ANKRD26: variants seen among roughly 807,000 people sequenced by gnomAD.
ANKRD26 encodes ankyrin repeat domain 26.
ANKRD26 carries 141 observed loss-of-function variants against 208.7 expected under a neutral mutation model. The ratio of observed to expected loss-of-function variants is 0.68; its 90% confidence interval spans 0.59 to 0.78. ANKRD26 has a LOEUF of 0.78. ANKRD26 is among the 30% of genes least tolerant of loss of function. The probability of loss-of-function intolerance (pLI) is 0.00; values close to 1 mark genes in which losing one functional copy is unlikely to be tolerated. For synonymous variants in ANKRD26, 636 were observed against 660.4 expected (o/e 0.96, Z 0.57); for missense variants, 1,889 against 1,938.7 (o/e 0.97, Z 0.48).
At chr10:27,030,572 C>CTA in intron 25 of ANKRD26, 1 of 985,284 alleles carries the variant, frequency 1.0e-6, no homozygotes, top group Non-Finnish European at 1.2e-6. Flanking sequence ...GGTGGGAAAG[C>CTA]GGTATGAATC....
intron 15 of ANKRD26, 83 bp from the exon 16 acceptor site, chr10:27,053,473 ATATTT>A: frequency 4.3e-6 from 4 of 926,494 alleles, no homozygotes; most frequent in Non-Finnish European, 4.9e-6. Flanking sequence ...ATAGAAAATA[ATATTT>A]ATTTTATTTT....
At chr10:27,053,606 A>AT (rs2054739720) in intron 15 of ANKRD26, among the ~76,000 whole-genome samples, 1 of 152,170 alleles carries the variant, frequency 6.6e-6, no homozygotes, top group African/African-American at 2.4e-5. Context: ...TTAGTGGAAT[A>AT]TTTACTTCTC....
At chr10:27,067,089 G>A (rs192094803) in intron 10 of ANKRD26, 68 bp downstream of exon 10, 2 of 1,565,798 alleles carry the variant, frequency 1.3e-6, no homozygotes, top group East Asian at 2.3e-5. Context: ...TCACAGGTGT[G>A]AGCCACATCT....
At chr10:27,078,881 A>C (rs1237441914) in intron 7 of ANKRD26, among the ~76,000 whole-genome samples, 2 of 150,466 alleles carry the variant, frequency 1.3e-5, no homozygotes, top group East Asian at 3.9e-4. Flanking sequence ...CCCTCAAAGT[A>C]CTTATCAATC....
intron 21 of ANKRD26, 66 bp from the exon 22 acceptor site, chr10:27,038,120 T>G: frequency 7.5e-7 from 1 of 1,329,760 alleles, no homozygotes; most frequent in African/African-American, 1.4e-5. Flanking sequence ...TTGTGTGATA[T>G]GCCGCTTTGT....
rs2056616930 is a variant in ANKRD26 at position 27,100,487 on chromosome 10, C to T, written c.-161G>A. On this transcript the variant is annotated 5_prime_UTR_variant, in exon 1 of 34. Transcript: ENST00000376087. Reference sequence around the variant, plus strand: ...CCGGGTTACCAAGCAAGCGATCCCGCTAGACACAAGTGCGCATGCGCACCT... The same window carrying T: ...CCGGGTTACCAAGCAAGCGATCCCGTTAGACACAAGTGCGCATGCGCACCT... 1.8e-6 allele frequency: 2 copies of T among 1,133,350 alleles called. No individual in the cohort carries two copies. The highest frequency in any genetic ancestry group is 2.8e-5 in the Admixed American group (1 of 35,980). The allele number at this position is 1,133,350 out of a possible 1,614,324, so 70.2% of individuals were successfully genotyped here.
In ANKRD26 at chr10:27,037,043, C is replaced by T. The variant is rs192171184; in HGVS notation, c.2697+143G>A. The stretch of plus-strand genomic sequence containing the variant: ...CACTTTATCCAATGGACCAAAAACA[C>T]TACCACTACCCCAAGATACACATAT... On this transcript the variant is annotated intron_variant, in intron 23 of 33. Transcript: ENST00000376087. The T allele has an allele frequency of 6.4e-6, 5 of 776,878 alleles. No individual in the cohort carries two copies. In the African/African-American group the frequency reaches 7.1e-5, roughly 11 times the overall value. 48.1% of individuals were successfully genotyped at this position (776,878 alleles called of 1,614,324 possible).
At chr10:26,976,132 C>G (rs1410269406) in intron 5 of ANKRD26, among the ~76,000 whole-genome samples, 2 of 152,152 alleles carry the variant, frequency 1.3e-5, no homozygotes, top group African/African-American at 4.8e-5. Flanking sequence ...TTAAATTACT[C>G]AACTTATACA....
chr10:27,095,636 C>G (rs1024044640), intron 1 of ANKRD26, among the ~76,000 whole-genome samples: 9 of 152,292 alleles, frequency 5.9e-5, no homozygotes, highest in East Asian at 5.8e-4. Context: ...CCACTTTACT[C>G]CAGCCTGGGT....
chr10:27,093,854 A>T, intron 1 of ANKRD26, 55 bp from the exon 2 acceptor site: 1 of 1,296,286 alleles, frequency 7.7e-7, no homozygotes, highest in South Asian at 1.2e-5. Flanking sequence ...CAAAACATAC[A>T]ATGGTTCATA....
chr10:27,093,895 T>A (rs932610134), intron 1 of ANKRD26, 96 bp from the exon 2 acceptor site: 2 of 1,038,126 alleles, frequency 1.9e-6, no homozygotes, highest in Middle Eastern at 5.6e-4. Context: ...CATGTTGATA[T>A]GGTTTGGCTG....
intron 6 of ANKRD26, among the ~76,000 whole-genome samples, chr10:27,081,976 T>C (rs1201095216): frequency 6.7e-6 from 1 of 150,032 alleles, no homozygotes; most frequent in Non-Finnish European, 1.5e-5. Flanking sequence ...GACTTTGTGA[T>C]ATGCCCACCT....
downstream of ANKRD26, among the ~76,000 whole-genome samples, chr10:26,988,879 CAAA>C (rs56162186): frequency 2.2e-5 from 3 of 137,298 alleles, no homozygotes; most frequent in Admixed American, 7.3e-5. Flanking sequence ...GACCTCTTCT[CAAA>C]AAAAAAAAAA....
chr10:27,095,335 GTTAT>G (rs112911152), intron 1 of ANKRD26, among the ~76,000 whole-genome samples: 7,143 of 152,194 alleles, frequency 0.047, 201 homozygotes, highest in African/African-American at 0.076. Context: ...GTAATTAAAG[GTTAT>G]TTCTTATAAT....
the ANKRD26 span, among the ~76,000 whole-genome samples, chr10:26,965,784 A>T: frequency 6.6e-6 from 1 of 152,334 alleles, no homozygotes; most frequent in Non-Finnish European, 1.5e-5. Context: ...CATATTTACA[A>T]GGAAAAGACA....
chr10:27,073,338 C>G (rs538500178), intron 9 of ANKRD26, among the ~76,000 whole-genome samples: 1 of 152,344 alleles, frequency 6.6e-6, no homozygotes, highest in South Asian at 2.1e-4. Context: ...CATCTGTAGA[C>G]AGCCTTCCTG....
chr10:26,958,711 T>C, the ANKRD26 span, among the ~76,000 whole-genome samples: 1 of 152,170 alleles, frequency 6.6e-6, no homozygotes, highest in East Asian at 1.9e-4. Context: ...CAGTCTATCA[T>C]TGATGGGTAT....
chr10:27,050,250 AAGAAAG>A, intron 16 of ANKRD26, among the ~76,000 whole-genome samples: 1 of 149,812 alleles, frequency 6.7e-6, no homozygotes, highest in Non-Finnish European at 1.5e-5. Context: ...AAAAAAAAGA[AAGAAAG>A]AAAGAAAAAG....
rs147476920 is a variant in ANKRD26 at position 26,974,131 on chromosome 10, A to C, written c.*2193T>G. ...TGAATACCTGAGTTAATAAGACCTA[A>C]ATTGAATATATTAACCCCTTTCCTG... On this transcript the variant is annotated 3_prime_UTR_variant and NMD_transcript_variant, in exon 6 of 6. Coordinates refer to the ANKRD26 transcript ENST00000674670. Among the ~76,000 whole-genome samples the C allele has an allele frequency of 6.7e-4, 102 of 152,110 alleles. 1 individual carries two copies. The East Asian group carries it at 0.014, about 21-fold the overall frequency.
Sources: gnomAD v4.1 joint callset for allele counts (sites outside exome capture counted in the v4.1 genomes callset) on GRCh38, gnomAD v4.1.1 for gene constraint, MANE v1.5 for transcripts, NCBI Gene and HGNC (gene_info 2026-07-23, HGNC 2026-07-21) for gene names.